Variants in ZNF320 observed in about 807,000 individuals in gnomAD.
ZNF320 encodes zinc finger gene 320.
A neutral mutation model predicts 6.8 loss-of-function variants in ZNF320; 2 were observed. That is an observed-to-expected ratio of 0.29 (90% CI 0.12 to 0.93). The LOEUF is 0.93. Ranked by LOEUF, ZNF320 falls within the 40% of genes least tolerant of loss-of-function variation. The pLI is 0.55. For synonymous variants in ZNF320, 208 were observed against 203.2 expected (o/e 1.02, Z -0.20); for missense variants, 472 against 611.0 (o/e 0.77, Z 2.40).
downstream of ZNF320, among the ~76,000 whole-genome samples, chr19:52,860,327 G>A (rs367585308): frequency 6.6e-6 from 1 of 151,958 alleles, no homozygotes; most frequent in Non-Finnish European, 1.5e-5. Context: ...AGGCGGTCCC[G>A]GTGGCTCACT....
upstream of ZNF320, among the ~76,000 whole-genome samples, chr19:52,899,786 T>C (rs1255690272): frequency 6.6e-6 from 1 of 152,196 alleles, no homozygotes; most frequent in Non-Finnish European, 1.5e-5. Context: ...TATCAGAGTC[T>C]CTTGCCGGGC....
At chr19:52,866,556 G>A (rs1010410033) in intron 5 of ZNF320, among the ~76,000 whole-genome samples, 7 of 152,032 alleles carry the variant, frequency 4.6e-5, no homozygotes, top group African/African-American at 1.7e-4. Flanking sequence ...TTTAACACTT[G>A]CAGGATAAAA....
chr19:52,875,893 C>T (rs2063757140), downstream of ZNF320, among the ~76,000 whole-genome samples: 3 of 152,066 alleles, frequency 2.0e-5, no homozygotes, highest in South Asian at 6.2e-4. Flanking sequence ...AATTATTTTC[C>T]CAGAAAAATC....
upstream of ZNF320, among the ~76,000 whole-genome samples, chr19:52,899,624 G>T (rs1442815754): frequency 1.3e-5 from 2 of 151,994 alleles, no homozygotes; most frequent in Admixed American, 1.3e-4. Flanking sequence ...ACCGCACCCG[G>T]CTAATTTTTT....
chr19:52,882,358 T>C (rs2063948471), intron 5 of ZNF320, among the ~76,000 whole-genome samples: 1 of 152,172 alleles, frequency 6.6e-6, no homozygotes, highest in Admixed American at 6.5e-5. Context: ...ATATTTAGTA[T>C]ACAGAAATAA....
intron 5 of ZNF320, among the ~76,000 whole-genome samples, chr19:52,869,774 G>A (rs1222659433): frequency 6.6e-6 from 1 of 152,068 alleles, no homozygotes; most frequent in African/African-American, 2.4e-5. Context: ...GGAATGCAAT[G>A]GTGCGATCTC....
intron 1 of ZNF320, among the ~76,000 whole-genome samples, chr19:52,896,650 AGTGAGCT>A (rs1367788672): frequency 6.6e-6 from 1 of 152,154 alleles, no homozygotes; most frequent in Non-Finnish European, 1.5e-5. Flanking sequence ...TTGATGATGC[AGTGAGCT>A]GTGATCCTGT....
At chr19:52,865,570 T>TATATTTATATATATGATCATAC (rs1397350153) in intron 5 of ZNF320, 2 of 90,690 alleles carry the variant, frequency 2.2e-5, no homozygotes, top group African/African-American at 4.9e-5. Context: ...TGATCATACA[T>TATATTTATATATATGATCATAC]ATATATTTAT....
the ZNF320 span, among the ~76,000 whole-genome samples, chr19:52,902,856 A>G: frequency 6.6e-6 from 1 of 152,138 alleles, no homozygotes; most frequent in Admixed American, 6.5e-5. Flanking sequence ...AACCTGTTGC[A>G]TTTTTACTTT....
chr19:52,879,558 C>T lies in ZNF320; in HGVS notation c.*1038G>A, dbSNP rs1248690294. On this transcript the variant is annotated 3_prime_UTR_variant, in exon 6 of 6. Transcript: ENST00000682928. ...CTCACATGATGCAAGAATGCTCTCA[C>T]CCCTTCTATTCAATCAATACTGGCT... 6.5e-6 allele frequency: 1 copy of T among 152,936 alleles called. No homozygotes were observed. The highest frequency in any genetic ancestry group is 1.5e-5 in the Non-Finnish European group (1 of 68,434). 9.5% of individuals were successfully genotyped at this position (152,936 alleles called of 1,614,324 possible). A position where few individuals can be genotyped will look rare whatever the true frequency, so the allele number is the denominator to read the frequency against.
chr19:52,861,654 A>G (rs976372502), exon 6 of ZNF320, among the ~76,000 whole-genome samples: 2 of 152,218 alleles, frequency 1.3e-5, no homozygotes, highest in African/African-American at 4.8e-5. Flanking sequence ...TTTAACATCA[A>G]TTAATGCTTG....
chr19:52,873,657 C>A (rs1600587842), downstream of ZNF320, among the ~76,000 whole-genome samples: 1 of 152,276 alleles, frequency 6.6e-6, no homozygotes, highest in South Asian at 2.1e-4. Context: ...CTGATCTGGT[C>A]CACAAAGAGC....
chr19:52,891,602 C>G (rs1169861564), intron 2 of ZNF320, among the ~76,000 whole-genome samples: 1 of 152,082 alleles, frequency 6.6e-6, no homozygotes, highest in Non-Finnish European at 1.5e-5. Context: ...GCAAATGTGA[C>G]TGGGGCGGAG....
chr19:52,883,527 A>G (rs1294698785), intron 5 of ZNF320: 9 of 434,678 alleles, frequency 2.1e-5, no homozygotes, highest in African/African-American at 6.2e-5. Flanking sequence ...CGTACACAAC[A>G]TAAGAACTGA....
chr19:52,890,260 G>A lies in ZNF320; in HGVS notation c.-5C>T, dbSNP rs551672911. 55 of 1,606,628 alleles carry A rather than the reference G, an allele frequency of 3.4e-5. No individual in the cohort carries two copies. In the South Asian group the frequency reaches 4.8e-4, roughly 14 times the overall value. On this transcript the variant is annotated 5_prime_UTR_variant, in exon 4 of 6. Coordinates refer to ENST00000682928, the MANE Select transcript of ZNF320 (RefSeq NM_001351774.2). Reference sequence around the variant, plus strand: ...TCTCACCTGAGAAAGAGCCATCCCCGACTCCTTTGCTTTCCTCTTCCTCTT... The same window carrying A: ...TCTCACCTGAGAAAGAGCCATCCCCAACTCCTTTGCTTTCCTCTTCCTCTT...
At chr19:52,892,232 G>C (rs1203855757) in intron 2 of ZNF320, 4 of 151,880 alleles carry the variant, frequency 2.6e-5, no homozygotes, top group African/African-American at 9.7e-5. Context: ...TAGGCATGGT[G>C]GCTCATGGTT....
downstream of ZNF320, among the ~76,000 whole-genome samples, chr19:52,875,054 G>A (rs1191939702): frequency 6.6e-6 from 1 of 152,088 alleles, no homozygotes; most frequent in African/African-American, 2.4e-5. Flanking sequence ...AAGGAATTTT[G>A]GAAACGATGT....
chr19:52,880,970 T>C lies in ZNF320; in HGVS notation c.1156A>G (p.Thr386Ala), dbSNP rs1419181074. The C allele has an allele frequency of 6.2e-7, 1 of 1,614,082 alleles. No homozygotes were observed. The highest frequency in any genetic ancestry group is 1.7e-5 in the Admixed American group (1 of 60,000). The change falls in exon 6 of 6, where the codon ACA (threonine) becomes GCA (alanine). Residue 386 changes from threonine to alanine, a missense_variant. Thr to Ala is a moderately conservative substitution (Grantham distance 58). Coordinates refer to ENST00000682928, the MANE Select transcript of ZNF320 (RefSeq NM_001351774.2). ...AAAACCTTGCCACATTCATTACATGTGTAAGGTCTCTCTCCAGTATGAACT... is the reference window on the plus strand; with the variant it reads ...AAAACCTTGCCACATTCATTACATGCGTAAGGTCTCTCTCCAGTATGAACT... ...QRVHTGERPY[T>A]CNECGKVFST...
At chr19:52,900,179 G>A (rs141738438), upstream of ZNF320, among the ~76,000 whole-genome samples, 4 of 152,230 alleles carry the variant, frequency 2.6e-5, no homozygotes, top group African/African-American at 9.6e-5. Flanking sequence ...GTGGAATTCC[G>A]GGTGGGCCTC....
Sources: gnomAD v4.1 joint callset for allele counts (sites outside exome capture counted in the v4.1 genomes callset) on GRCh38, gnomAD v4.1.1 for gene constraint, MANE v1.5 for transcripts, NCBI Gene and HGNC (gene_info 2026-07-23, HGNC 2026-07-21) for gene names.